PALM3: variants seen among roughly 807,000 people sequenced by gnomAD.
The protein encoded by PALM3 is paralemmin 3, also known as paralemmin-3.
Under a neutral mutation model 27.9 loss-of-function variants are expected in PALM3, and 20 were observed. That is an observed-to-expected ratio of 0.72 (90% confidence interval 0.50 to 1.04). PALM3 has a LOEUF of 1.04. PALM3 is among the 50% of genes least tolerant of loss of function. PALM3 has a pLI of 0.00. For synonymous variants in PALM3, 328 were observed against 352.7 expected (o/e 0.93, Z 0.79); for missense variants, 814 against 869.4 (o/e 0.94, Z 0.80).
At position 14,055,160 on chromosome 19, in the gene PALM3, G is replaced by A. The variant is rs1976279390; in HGVS notation, c.512C>T (p.Pro171Leu). Reference protein sequence around the residue: ...AGLVGTPPESPSEPREDVLGF... With the variant: ...AGLVGTPPESLSEPREDVLGF... The stretch of plus-strand genomic sequence containing the variant: ...CAAGACATCCTCCCTGGGCTCAGAG[G>A]GGGACTCTGGAGGCGTGCCCACTAG... The change falls in exon 7 of 7, where the codon CCC (proline) becomes CTC (leucine). Residue 171 changes from proline to leucine, a missense_variant. Transcript: ENST00000669674. 6.5e-7 allele frequency: 1 copy of A among 1,548,384 alleles called. No homozygotes were observed. Among genetic ancestry groups the A allele is most frequent in the Non-Finnish European group, 8.7e-7 (1 of 1,146,364 alleles).
In PALM3 at chr19:14,054,196, T is replaced by C. The variant is rs1389596757; in HGVS notation, c.1476A>G (p.Ala492=). The C allele has an allele frequency of 6.4e-7, 1 of 1,552,008 alleles. No individual in the cohort carries two copies. ...ATGGTTCTTCTACCTCCTCCTCCTCTGCCCCTCGCTTTTCCTCATCTCCTT... is the reference window on the plus strand; with the variant it reads ...ATGGTTCTTCTACCTCCTCCTCCTCCGCCCCTCGCTTTTCCTCATCTCCTT... ...EKEGDEEKRG[A]EEEEVEEPLG... is the part of the protein sequence containing the mutation. The change falls in exon 7 of 7, where the codon GCA becomes GCG. Residue 492 remains alanine (A), a synonymous_variant. Transcript: ENST00000669674.
chr19:14,056,731 G>A lies in PALM3; in HGVS notation c.245C>T (p.Ser82Leu), dbSNP rs1976311749. 1.3e-6 allele frequency: 2 copies of A among 1,551,724 alleles called. No individual in the cohort carries two copies. The highest frequency in any genetic ancestry group is 2.4e-5 in the East Asian group (1 of 40,924). The change falls in exon 4 of 7, where the codon TCG (serine) becomes TTG (leucine). Residue 82 changes from serine to leucine, a missense_variant. Transcript: ENST00000669674. ...AVPEPSEDPT[S>L]KDPQSPEGQA... ...GCCCTCGGGTGACTGGGGGTCCTTC[G>A]AGGTGGGGTCTTCGGATGGCTCTGG...
chr19:14,058,548 G>C (rs1190538675), intron 2 of PALM3, among the ~76,000 whole-genome samples: 1 of 151,758 alleles, frequency 6.6e-6, no homozygotes, highest in Admixed American at 6.6e-5. Context: ...GAGGTGTAGA[G>C]GTGGGGATCA....
chr19:14,057,429 C>A lies in PALM3; in HGVS notation c.93G>T (p.Glu31Asp), dbSNP rs534293143. 2 of 1,538,704 alleles carry A rather than the reference C, an allele frequency of 1.3e-6. No individual in the cohort carries two copies. The highest frequency in any genetic ancestry group is 2.5e-5 in the East Asian group (1 of 39,982). ...GGATCTCCTCCTGCAGCCGCCGCTT[C>A]TCCTGCGCACAGAGGACCCGGAGCT... ...LYRQRLEVIAEKRRLQEEIRA... is the reference protein window; with the variant it reads ...LYRQRLEVIADKRRLQEEIRA... Residue 31 changes from glutamate to aspartate, a missense_variant and splice_region_variant, in exon 3 of 7, where the codon GAG becomes GAT. Physicochemically the swap from Glu to Asp is conservative, Grantham distance 45. Transcript: ENST00000669674.
chr19:14,055,588 T>C (rs1018399893), intron 5 of PALM3, among the ~76,000 whole-genome samples, 163 bp from the exon 6 acceptor site: 5 of 152,062 alleles, frequency 3.3e-5, no homozygotes, highest in Non-Finnish European at 7.4e-5. Flanking sequence ...ATCTATCTTA[T>C]TGCCCTATGT....
intron 1 of PALM3, among the ~76,000 whole-genome samples, chr19:14,060,667 G>C (rs1010643104): frequency 6.6e-6 from 1 of 152,250 alleles, no homozygotes; most frequent in South Asian, 2.1e-4. Context: ...CAGCTGGCGA[G>C]GGGGGTGGGG....
chr19:14,059,067 T>A (rs1455248277), intron 2 of PALM3, 48 bp downstream of exon 2: 3 of 1,435,122 alleles, frequency 2.1e-6, no homozygotes, highest in African/African-American at 3.0e-5. Flanking sequence ...GAAGGGAGCA[T>A]GGTGGAAAGT....
chr19:14,058,993 G>C, intron 2 of PALM3, 122 bp downstream of exon 2: 1 of 851,220 alleles, frequency 1.2e-6, no homozygotes, highest in Non-Finnish European at 1.7e-6. Context: ...TGGAGAATTG[G>C]TGTGGGGAGC....
intron 1 of PALM3, among the ~76,000 whole-genome samples, chr19:14,060,973 C>T (rs1976404709): frequency 1.3e-5 from 2 of 152,176 alleles, no homozygotes; most frequent in African/African-American, 4.8e-5. Flanking sequence ...ACTGGCCAGG[C>T]TGGTCTCGAA....
chr19:14,054,268 T>G lies in PALM3; in HGVS notation c.1404A>C (p.Pro468=). The G allele has an allele frequency of 1.3e-6, 2 of 1,552,182 alleles. No homozygotes were observed. Residue 468 remains proline (P), a synonymous_variant, in exon 7 of 7, where the codon CCA becomes CCC. Transcript: ENST00000669674. ...CCTCAACTTTTCTCTCTATGCCCAGTGGTTCCTCACCTCCTTCCCTCTCTG... is the reference window on the plus strand; with the variant it reads ...CCTCAACTTTTCTCTCTATGCCCAGGGGTTCCTCACCTCCTTCCCTCTCTG... The part of the protein sequence containing the change: ...LGTEREGGEE[P]LGIERKVEGH...
Position 14,054,846 on chromosome 19 carries a change from G to A in PALM3, c.826C>T (p.Leu276=), listed in dbSNP as rs1440042173. 1.3e-6 allele frequency: 2 copies of A among 1,548,408 alleles called. No individual in the cohort carries two copies. The highest frequency in any genetic ancestry group is 2.0e-5 in the Admixed American group (1 of 50,666). Residue 276 remains leucine (L), a synonymous_variant, in exon 7 of 7, where the codon CTG becomes TTG. Transcript: ENST00000669674. The part of the protein sequence containing the change: ...AIGDRKGAGS[L]ELPAWVKEDR... ...TCCTTCACCCAGGCCGGGAGCTCCA[G>A]GCTACCAGCTCCCTTCCTGTCTCCG...
chr19:14,053,472 C>G lies in PALM3; in HGVS notation c.*133G>C. The G allele has an allele frequency of 9.4e-7, 1 of 1,062,848 alleles. No homozygotes were observed. Among genetic ancestry groups the G allele is most frequent in the Non-Finnish European group, 1.3e-6 (1 of 781,742 alleles). 65.8% of individuals were successfully genotyped at this position (1,062,848 alleles called of 1,614,324 possible). A position where few individuals can be genotyped will look rare whatever the true frequency, so the allele number is the denominator to read the frequency against. On this transcript the variant is annotated 3_prime_UTR_variant, in exon 7 of 7. Transcript: ENST00000669674. ...GTCTGGAAGCCCAGGTTTAGGTGGA[C>G]GTGCAGGCTAGCTGGCTCCCAGGTG...
At chr19:14,057,546 G>A (rs1465873638) in intron 2 of PALM3, 115 bp from the exon 3 acceptor site, 4 of 869,000 alleles carry the variant, frequency 4.6e-6, no homozygotes, top group Non-Finnish European at 6.5e-6. Context: ...CGGGGCTCCC[G>A]AGGCAGCGAG....
In PALM3 at chr19:14,053,560, A is replaced by C. The variant is rs1976221865; in HGVS notation, c.*45T>G. 1 of 1,434,718 alleles carries C rather than the reference A, an allele frequency of 7.0e-7. No homozygotes were observed. The highest frequency in any genetic ancestry group is 9.1e-7 in the Non-Finnish European group (1 of 1,092,910). The allele number at this position is 1,434,718 out of a possible 1,614,324, so 88.9% of individuals were successfully genotyped here. On this transcript the variant is annotated 3_prime_UTR_variant, in exon 7 of 7. Transcript: ENST00000669674. Reference sequence around the variant, plus strand: ...CCCTCTTCTGGGTGCCAAGAGGCCGAGGTAGCTGTGAGAGGAGCTGGACAT... The same window carrying C: ...CCCTCTTCTGGGTGCCAAGAGGCCGCGGTAGCTGTGAGAGGAGCTGGACAT...
chr19:14,053,676 A>G lies in PALM3; in HGVS notation c.1996T>C (p.Ser666Pro), dbSNP rs1340119221. The change falls in exon 7 of 7, where the codon TCT (serine) becomes CCT (proline). Residue 666 changes from serine to proline, a missense_variant. Physicochemically the swap from Ser to Pro is moderately conservative, Grantham distance 74. Coordinates refer to ENST00000669674, the MANE Select transcript of PALM3 (RefSeq NM_001145028.2). ...TYAPARQPEPSAPTEGEEASG... is the reference protein window; with the variant it reads ...TYAPARQPEPPAPTEGEEASG... The stretch of plus-strand genomic sequence containing the variant: ...GCCTCTTCACCCTCGGTGGGGGCAG[A>G]TGGCTCAGGCTGCCGGGCAGGCGCG... 6 of 1,481,002 alleles carry G rather than the reference A, an allele frequency of 4.1e-6. No homozygotes were observed. The East Asian group carries it at 1.5e-4, about 37-fold the overall frequency. The allele number at this position is 1,481,002 out of a possible 1,614,324, so 91.7% of individuals were successfully genotyped here.
intron 2 of PALM3, among the ~76,000 whole-genome samples, 156 bp downstream of exon 2, chr19:14,058,959 C>T (rs1976368244): frequency 6.6e-6 from 1 of 151,734 alleles, no homozygotes; most frequent in South Asian, 2.1e-4. Context: ...AGTGACCAGA[C>T]AGGAACTGGG....
Position 14,054,507 on chromosome 19 carries a change from C to T in PALM3, c.1165G>A (p.Glu389Lys). ...GCCCCCTCGGCCCCCAGCGGGCTTT[C>T]ATCTCCTCTCTCCCTCCCTGCCACC... Reference protein sequence around the residue: ...PEVAGRERGDESPLGAEGAKT... With the variant: ...PEVAGRERGDKSPLGAEGAKT... Residue 389 changes from glutamate (E) to lysine (K), a missense_variant, in exon 7 of 7, where the codon GAA becomes AAA. By Grantham distance (56) the Glu-to-Lys change is moderately conservative. Transcript: ENST00000669674. The T allele has an allele frequency of 1.3e-6, 2 of 1,551,142 alleles. No homozygotes were observed. Among genetic ancestry groups the T allele is most frequent in the South Asian group, 2.4e-5 (2 of 83,982 alleles).
Position 14,054,836 on chromosome 19 carries a change from G to T in PALM3, c.836C>A (p.Pro279Gln). Residue 279 changes from proline (P) to glutamine (Q), a missense_variant, in exon 7 of 7, where the codon CCG becomes CAG. Coordinates refer to ENST00000669674, the MANE Select transcript of PALM3 (RefSeq NM_001145028.2). The stretch of plus-strand genomic sequence containing the variant: ...GCCCCTGTCCTCCTTCACCCAGGCC[G>T]GGAGCTCCAGGCTACCAGCTCCCTT... ...DRKGAGSLEL[P>Q]AWVKEDRGIV... The T allele has an allele frequency of 6.5e-7, 1 of 1,542,510 alleles. No individual in the cohort carries two copies. The highest frequency in any genetic ancestry group is 1.2e-5 in the South Asian group (1 of 83,400).
At chr19:14,058,967 G>C in intron 2 of PALM3, 148 bp downstream of exon 2, 1 of 632,356 alleles carries the variant, frequency 1.6e-6, no homozygotes, top group Non-Finnish European at 2.5e-6. Context: ...GACAGGAACT[G>C]GGGGGCAGAG....
Sources: allele counts gnomAD v4.1 joint callset (sites outside exome capture counted in the v4.1 genomes callset), GRCh38; gene constraint gnomAD v4.1.1; transcripts MANE v1.5; gene names NCBI Gene and HGNC (gene_info 2026-07-23, HGNC 2026-07-21).